MSI2: variants seen among roughly 807,000 people sequenced by gnomAD.
The protein encoded by MSI2 is musashi RNA binding protein 2.
A neutral mutation model predicts 45.6 loss-of-function variants in MSI2; 17 were observed. That is an observed-to-expected ratio of 0.37 (90% CI 0.26 to 0.56). The LOEUF is 0.56. Among genes scored for constraint, MSI2 ranks in the 20% least tolerant of loss-of-function variants. The pLI, the probability that MSI2 is intolerant of heterozygous loss-of-function variation, is 0.77. For synonymous variants in MSI2, 156 were observed against 158.2 expected, an observed-to-expected ratio of 0.99 and a Z score of 0.11; for missense variants, 293 against 444.2, an observed-to-expected ratio of 0.66 and a Z score of 3.06.
intron 7 of MSI2, among the ~76,000 whole-genome samples, chr17:57,595,201 G>A (rs1905156876): frequency 6.6e-6 from 1 of 152,124 alleles, no homozygotes; most frequent in Admixed American, 6.5e-5. Flanking sequence ...TTGTGTTGCA[G>A]GGACCCAAAA....
intron 5 of MSI2, chr17:57,267,329 G>A (rs897046905): frequency 2.0e-5 from 3 of 152,342 alleles, no homozygotes; most frequent in Non-Finnish European, 4.4e-5. Flanking sequence ...GTCAGCTTAA[G>A]GAGGAGGGGC....
At chr17:57,357,711 G>A (rs928077434) in intron 5 of MSI2, among the ~76,000 whole-genome samples, 3 of 152,140 alleles carry the variant, frequency 2.0e-5, no homozygotes, top group Non-Finnish European at 4.4e-5. Flanking sequence ...CAGTTGAGGG[G>A]CTTTTGTGTA....
intron 5 of MSI2, among the ~76,000 whole-genome samples, chr17:57,372,147 A>G (rs934464980): frequency 6.6e-6 from 1 of 152,186 alleles, no homozygotes; most frequent in African/African-American, 2.4e-5. Context: ...TAATTTAAAA[A>G]GATTGGGGTT....
At chr17:57,269,911 C>T (rs973251288) in intron 5 of MSI2, among the ~76,000 whole-genome samples, 6 of 152,056 alleles carry the variant, frequency 3.9e-5, no homozygotes, top group African/African-American at 9.7e-5. Context: ...GTGTGAAGTG[C>T]GCAGGTGTGG....
chr17:57,697,032 G>T, the MSI2 span, among the ~76,000 whole-genome samples: 3 of 152,086 alleles, frequency 2.0e-5, no homozygotes, highest in African/African-American at 4.8e-5. Flanking sequence ...GCCAGGGAGG[G>T]GGTGTGAGGT....
At chr17:57,333,997 A>G (rs1914492252) in intron 5 of MSI2, among the ~76,000 whole-genome samples, 1 of 152,132 alleles carries the variant, frequency 6.6e-6, no homozygotes, top group Non-Finnish European at 1.5e-5. Context: ...GTTTCCCTAT[A>G]GTACCTTGGT....
intron 6 of MSI2, among the ~76,000 whole-genome samples, chr17:57,458,267 A>AT (rs1249192764): frequency 6.6e-6 from 1 of 151,840 alleles, no homozygotes; most frequent in Non-Finnish European, 1.5e-5. Context: ...CGCCTGGCTA[A>AT]TTTTTTGTAT....
At chr17:57,693,831 T>C in the MSI2 span, among the ~76,000 whole-genome samples, 1 of 152,246 alleles carries the variant, frequency 6.6e-6, no homozygotes, top group Non-Finnish European at 1.5e-5. Context: ...TATGCATGCC[T>C]CTTTTTCTGC....
intron 11 of MSI2, among the ~76,000 whole-genome samples, chr17:57,654,108 A>C (rs1911399574): frequency 6.6e-6 from 1 of 152,172 alleles, no homozygotes; most frequent in South Asian, 2.1e-4. Flanking sequence ...GGTTAGCGCA[A>C]GGAGTAAATC....
At chr17:57,345,627 T>A (rs28505899) in intron 5 of MSI2, among the ~76,000 whole-genome samples, 1,598 of 152,196 alleles carry the variant, frequency 0.01, 32 homozygotes, top group African/African-American at 0.037. Flanking sequence ...AAGACCAGCC[T>A]GGCCAACATG....
the MSI2 span, among the ~76,000 whole-genome samples, chr17:57,694,690 C>T: frequency 6.6e-6 from 1 of 152,136 alleles, no homozygotes; most frequent in East Asian, 1.9e-4. Flanking sequence ...GTACATCACT[C>T]TGTAGGATTA....
At chr17:57,533,901 T>C (rs1024206659) in intron 7 of MSI2, among the ~76,000 whole-genome samples, 38 of 152,182 alleles carry the variant, frequency 2.5e-4, no homozygotes, top group Non-Finnish European at 2.6e-4. Flanking sequence ...CCAGCAGCAC[T>C]CCCAGCCACT....
Position 57,427,475 on chromosome 17 carries a change from G to GAGGAAACCA in MSI2, c.405+26004_405+26005insAGGAAACCA, listed in dbSNP as rs150503406. On this transcript the variant is annotated intron_variant, in intron 6 of 13. Coordinates refer to ENST00000284073, the MANE Select transcript of MSI2 (RefSeq NM_138962.4). ...ATGTGTACAGGACCTCACGGGATGT[G>GAGGAAACCA]GGGAAACCAGCCTGGTTGCAGTTGA... Among the ~76,000 whole-genome samples, 754 of 152,150 alleles carry GAGGAAACCA rather than the reference G, an allele frequency of 5.0e-3. 8 individuals carry two copies. The highest frequency in any genetic ancestry group is 0.017 in the African/African-American group (717 of 41,484).
chr17:57,523,036 C>G (rs2086624503), intron 6 of MSI2: 1 of 151,216 alleles, frequency 6.6e-6, no homozygotes, highest in African/African-American at 2.4e-5. Context: ...CTCCATGTAC[C>G]TTTGCATTGT....
intron 8 of MSI2, chr17:57,601,453 T>G (rs998864561): frequency 6.6e-6 from 1 of 152,142 alleles, no homozygotes; most frequent in African/African-American, 2.4e-5. Context: ...CCAGTGCGGG[T>G]GCAGCTAATA....
At chr17:57,319,233 G>A (rs1251487485) in intron 5 of MSI2, among the ~76,000 whole-genome samples, 2 of 152,250 alleles carry the variant, frequency 1.3e-5, no homozygotes, top group African/African-American at 2.4e-5. Flanking sequence ...GGGGATGCTT[G>A]TTAGCATTTT....
intron 11 of MSI2, among the ~76,000 whole-genome samples, chr17:57,659,876 G>A (rs188267502): frequency 1.3e-5 from 2 of 152,276 alleles, no homozygotes; most frequent in Non-Finnish European, 2.9e-5. Context: ...CTGGACCTAC[G>A]GGACATCTGC....
chr17:57,570,346 A>C (rs1046579999), intron 7 of MSI2, among the ~76,000 whole-genome samples: 2 of 152,206 alleles, frequency 1.3e-5, no homozygotes, highest in African/African-American at 4.8e-5. Context: ...TGATTGCAGT[A>C]AAGCAGTATT....
chr17:57,521,938 C>A (rs994222431), intron 6 of MSI2, among the ~76,000 whole-genome samples: 2 of 152,204 alleles, frequency 1.3e-5, no homozygotes, highest in South Asian at 2.1e-4. Flanking sequence ...GACAGACCAA[C>A]CCCACCCTTT....
Sources: allele counts gnomAD v4.1 joint callset (sites outside exome capture counted in the v4.1 genomes callset), GRCh38; gene constraint gnomAD v4.1.1; transcripts MANE v1.5; gene names NCBI Gene and HGNC (gene_info 2026-07-23, HGNC 2026-07-21).